Variants in EZR observed in about 807,000 individuals in gnomAD.
EZR encodes the protein ezrin.
A neutral mutation model predicts 74.8 loss-of-function variants in EZR; 40 were observed. The ratio of observed to expected loss-of-function variants is 0.53; its 90% CI spans 0.42 to 0.70. EZR has a LOEUF of 0.70. Among genes scored for constraint, EZR ranks in the 30% least tolerant of loss-of-function variants. EZR has a pLI of 0.00. For missense variants in EZR, 678 were observed against 755.8 expected (o/e 0.90, Z 1.21); for synonymous variants, 341 against 283.3 (o/e 1.20, Z -2.05).
At chr6:158,787,268 G>T in intron 3 of EZR, 65 bp from the exon 4 acceptor site, 1 of 1,379,594 alleles carries the variant, frequency 7.2e-7, no homozygotes, top group Non-Finnish European at 1.0e-6. Flanking sequence ...ACAGCTTTTG[G>T]CTGTCGTTCA....
At chr6:158,807,490 A>G (rs576263551) in intron 2 of EZR, among the ~76,000 whole-genome samples, 1 of 152,194 alleles carries the variant, frequency 6.6e-6, no homozygotes, top group Non-Finnish European at 1.5e-5. Flanking sequence ...GAAATGATGG[A>G]CTTATCACCA....
intron 4 of EZR, 98 bp from the exon 5 acceptor site, chr6:158,785,681 G>C: frequency 2.3e-5 from 33 of 1,445,838 alleles, no homozygotes; most frequent in Non-Finnish European, 3.1e-5. Context: ...GGGCCCTCAA[G>C]CCAGTTTTCA....
At chr6:158,799,168 A>G (rs1229534304) in intron 2 of EZR, among the ~76,000 whole-genome samples, 1 of 152,046 alleles carries the variant, frequency 6.6e-6, no homozygotes, top group African/African-American at 2.4e-5. Context: ...GCTGTACCTT[A>G]TATGCAGCCA....
chr6:158,781,471 T>C (rs1791430407), intron 7 of EZR, among the ~76,000 whole-genome samples: 2 of 152,286 alleles, frequency 1.3e-5, no homozygotes, highest in Admixed American at 6.5e-5. Flanking sequence ...ACGTTTTTAC[T>C]TGGAAGAAAT....
intron 3 of EZR, 122 bp downstream of exon 3, chr6:158,789,166 C>T: frequency 2.9e-6 from 2 of 678,282 alleles, no homozygotes; most frequent in Non-Finnish European, 5.1e-6. Context: ...TTAAAAGATC[C>T]TTCTCATCTA....
chr6:158,810,393 G>A (rs1442186716), intron 2 of EZR, among the ~76,000 whole-genome samples: 2 of 152,134 alleles, frequency 1.3e-5, no homozygotes, highest in Non-Finnish European at 2.9e-5. Flanking sequence ...CTGGTCTCCA[G>A]GGCACACTTC....
At chr6:158,787,427 G>A (rs550380474) in intron 3 of EZR, among the ~76,000 whole-genome samples, 129 of 152,282 alleles carry the variant, frequency 8.5e-4, no homozygotes, top group African/African-American at 2.9e-3. Flanking sequence ...ATAAATTTGA[G>A]CAGATTCAGG....
chr6:158,782,294 C>T (rs74458258), intron 7 of EZR, among the ~76,000 whole-genome samples: 2 of 152,222 alleles, frequency 1.3e-5, no homozygotes, highest in East Asian at 1.9e-4. Flanking sequence ...GGCAGGAATC[C>T]GCGTGGTTGC....
At chr6:158,777,971 C>T (rs986375394) in intron 7 of EZR, among the ~76,000 whole-genome samples, 10 of 152,142 alleles carry the variant, frequency 6.6e-5, no homozygotes, top group African/African-American at 2.4e-4. Flanking sequence ...CTTTTATCTT[C>T]GAGATGTAAT....
At chr6:158,803,398 T>C (rs1449020518) in intron 2 of EZR, among the ~76,000 whole-genome samples, 1 of 151,106 alleles carries the variant, frequency 6.6e-6, no homozygotes, top group Non-Finnish European at 1.5e-5. Flanking sequence ...GGTAATCAGC[T>C]ACCAAAATAT....
At position 158,767,085 on chromosome 6, in the gene EZR, CATT is replaced by C. The variant is rs1562487698; in HGVS notation, c.1597-10_1597-8del. On this transcript the variant is annotated splice_region_variant and splice_polypyrimidine_tract_variant and intron_variant, in intron 13 of 13. Coordinates refer to ENST00000367075, the MANE Select transcript of EZR (RefSeq NM_001111077.2). ...ACAGCTCGCTGCTCAGCGTCTGTAA[CATT>C]AAGCAGCATTGGTCTAGTCCCTTCC... 2.5e-6 allele frequency: 4 copies of C among 1,614,038 alleles called. No homozygotes were observed. The South Asian group carries it at 4.4e-5, about 18-fold the overall frequency.
At chr6:158,813,673 G>A (rs1401130288) in intron 2 of EZR, among the ~76,000 whole-genome samples, 1 of 152,242 alleles carries the variant, frequency 6.6e-6, no homozygotes, top group African/African-American at 2.4e-5. Context: ...TATTCCCAAA[G>A]AGGCAAGGTA....
Position 158,770,900 on chromosome 6 carries a change from G to A in EZR, c.960-6C>T, listed in dbSNP as rs1402024585. On this transcript the variant is annotated splice_region_variant and splice_polypyrimidine_tract_variant and intron_variant, in intron 9 of 13. Transcript: ENST00000367075. Reference sequence around the variant, plus strand: ...TCTCTGTTTCCAGCTGTTGCCTGGTGCAGGGAAAAAGAGGCACAGGGAGAT... The same window carrying A: ...TCTCTGTTTCCAGCTGTTGCCTGGTACAGGGAAAAAGAGGCACAGGGAGAT... The A allele has an allele frequency of 1.2e-6, 2 of 1,614,136 alleles. No individual in the cohort carries two copies. The highest frequency in any genetic ancestry group is 3.3e-5 in the Admixed American group (2 of 60,020).
Position 158,776,546 on chromosome 6 carries a change from A to C in EZR, c.699-42T>G, listed in dbSNP as rs144504464. 7.3e-6 allele frequency: 10 copies of C among 1,376,556 alleles called. No homozygotes were observed. The East Asian group carries it at 1.8e-4, about 25-fold the overall frequency. The allele number at this position is 1,376,556 out of a possible 1,614,324, so 85.3% of individuals were successfully genotyped here. ...GAAGTGGATGGTTAGATGTATACATATGTTCTTGGATTGGCTAAGAGAGAT... is the reference window on the plus strand; with the variant it reads ...GAAGTGGATGGTTAGATGTATACATCTGTTCTTGGATTGGCTAAGAGAGAT... On this transcript the variant is annotated intron_variant, in intron 7 of 13. Coordinates refer to ENST00000367075, the MANE Select transcript of EZR (RefSeq NM_001111077.2).
At chr6:158,816,713 A>G (rs1382813025) in intron 2 of EZR, among the ~76,000 whole-genome samples, 1 of 69,136 alleles carries the variant, frequency 1.4e-5, no homozygotes, top group Non-Finnish European at 3.1e-5. Context: ...TTCTGAATCT[A>G]CTGGCATATT....
chr6:158,782,219 G>A (rs891827903), intron 7 of EZR, among the ~76,000 whole-genome samples: 4 of 152,182 alleles, frequency 2.6e-5, no homozygotes, highest in Non-Finnish European at 5.9e-5. Context: ...GGTGAGAGGA[G>A]GTTGGGCACA....
At chr6:158,804,465 A>C (rs1157660002) in intron 2 of EZR, among the ~76,000 whole-genome samples, 1 of 152,246 alleles carries the variant, frequency 6.6e-6, no homozygotes, top group Non-Finnish European at 1.5e-5. Flanking sequence ...ATGTGATTTC[A>C]GTTTCACTAG....
chr6:158,814,065 A>G (rs1344726222), intron 2 of EZR, among the ~76,000 whole-genome samples: 1 of 151,630 alleles, frequency 6.6e-6, no homozygotes, highest in Non-Finnish European at 1.5e-5. Flanking sequence ...ACCAACTCCT[A>G]CAACTCTCCC....
chr6:158,819,127 G>A (rs1777634361), intron 1 of EZR, among the ~76,000 whole-genome samples, 190 bp downstream of exon 1: 1 of 151,774 alleles, frequency 6.6e-6, no homozygotes, highest in Non-Finnish European at 1.5e-5. Context: ...ACCCGGCGCC[G>A]AGGGGAAGGT....
Sources: gnomAD v4.1 joint callset for allele counts (sites outside exome capture counted in the v4.1 genomes callset) on GRCh38, gnomAD v4.1.1 for gene constraint, MANE v1.5 for transcripts, NCBI Gene and HGNC (gene_info 2026-07-23, HGNC 2026-07-21) for gene names.